SEMA3A: variants seen among roughly 807,000 people sequenced by gnomAD.
The protein encoded by SEMA3A is semaphorin 3A, also known as semaphorin-3A.
SEMA3A carries 29 observed loss-of-function variants against 97.9 expected under a neutral mutation model. The ratio of observed to expected loss-of-function variants is 0.30; its 90% CI spans 0.22 to 0.40. SEMA3A has a LOEUF of 0.40. Ranked by LOEUF, SEMA3A falls within the 10% of genes least tolerant of loss-of-function variation. The probability of loss-of-function intolerance (pLI) is 1.00; values close to 1 mark genes in which losing one functional copy is unlikely to be tolerated. For synonymous variants in SEMA3A, 321 were observed against 323.7 expected (o/e 0.99, Z 0.09); for missense variants, 763 against 951.3 (o/e 0.80, Z 2.60).
intron 6 of SEMA3A, among the ~76,000 whole-genome samples, chr7:84,021,307 A>C (rs57283860): frequency 0.26 from 38,818 of 152,182 alleles, 5,816 homozygotes; most frequent in East Asian, 0.42. Context: ...TTATTTTATA[A>C]CATTTAATTC....
intron 5 of SEMA3A, among the ~76,000 whole-genome samples, chr7:84,059,592 TTTGAA>T (rs1411770953): frequency 2.6e-5 from 4 of 151,908 alleles, no homozygotes; most frequent in African/African-American, 4.8e-5. Flanking sequence ...AAATTTTAGA[TTTGAA>T]AAGTTTCATT....
intron 2 of SEMA3A, among the ~76,000 whole-genome samples, chr7:84,362,205 A>C (rs1974511): frequency 0.38 from 56,886 of 151,582 alleles, 11,250 homozygotes; most frequent in African/African-American, 0.48. Context: ...TGTACTGAGA[A>C]CCCCATGCTA....
intron 2 of SEMA3A, among the ~76,000 whole-genome samples, chr7:84,361,683 T>G (rs1802724504): frequency 6.6e-6 from 1 of 152,030 alleles, no homozygotes; most frequent in Admixed American, 6.6e-5. Context: ...GACAAGGAAC[T>G]TAAGCCTTCT....
At chr7:84,234,348 A>C (rs1238818771) in intron 3 of SEMA3A, among the ~76,000 whole-genome samples, 1 of 152,080 alleles carries the variant, frequency 6.6e-6, no homozygotes, top group Non-Finnish European at 1.5e-5. Context: ...TGAAGAGGCT[A>C]GTGTTCTCTT....
chr7:84,255,309 A>G (rs912755679), intron 3 of SEMA3A, among the ~76,000 whole-genome samples: 15 of 152,100 alleles, frequency 9.9e-5, no homozygotes, highest in Non-Finnish European at 1.9e-4. Context: ...CTGTTCTCCT[A>G]CTTCCATTTT....
chr7:84,451,482 C>G (rs1805552017), intron 1 of SEMA3A, among the ~76,000 whole-genome samples: 1 of 152,084 alleles, frequency 6.6e-6, no homozygotes, highest in Admixed American at 6.5e-5. Flanking sequence ...AAAAGCAAAA[C>G]TAAATGGTTA....
intron 3 of SEMA3A, among the ~76,000 whole-genome samples, chr7:84,278,442 A>G (rs1800364106): frequency 6.6e-6 from 1 of 152,108 alleles, no homozygotes; most frequent in Non-Finnish European, 1.5e-5. Flanking sequence ...TCACATTTTC[A>G]GGTATCTTTA....
chr7:84,296,066 A>G (rs1180691988), intron 3 of SEMA3A, among the ~76,000 whole-genome samples: 1 of 152,166 alleles, frequency 6.6e-6, no homozygotes, highest in Non-Finnish European at 1.5e-5. Flanking sequence ...AAGAGATAAA[A>G]CAGTACACAG....
intron 1 of SEMA3A, among the ~76,000 whole-genome samples, chr7:84,193,215 C>T (rs1231698348): frequency 3.3e-5 from 5 of 151,898 alleles, no homozygotes; most frequent in Admixed American, 6.6e-5. Context: ...AAACACATTA[C>T]TAGGTGTTTA....
intron 15 of SEMA3A, among the ~76,000 whole-genome samples, chr7:83,966,443 C>T (rs910242108): frequency 2.6e-5 from 4 of 152,124 alleles, no homozygotes; most frequent in African/African-American, 9.7e-5. Flanking sequence ...GAGCTTGGTG[C>T]CCTTAGTAAG....
At chr7:84,102,248 G>A (rs1159867864) in intron 4 of SEMA3A, among the ~76,000 whole-genome samples, 1 of 152,180 alleles carries the variant, frequency 6.6e-6, no homozygotes, top group African/African-American at 2.4e-5. Context: ...TAGGATAAAA[G>A]TGTGACTATT....
chr7:84,146,016 T>C (rs1371173577), intron 1 of SEMA3A, among the ~76,000 whole-genome samples: 1 of 152,174 alleles, frequency 6.6e-6, no homozygotes, highest in African/African-American at 2.4e-5. Flanking sequence ...TCTAGTTGAT[T>C]TTCCCTTTTC....
At chr7:84,356,764 CTATT>C (rs562521235) in intron 2 of SEMA3A, among the ~76,000 whole-genome samples, 59 of 151,864 alleles carry the variant, frequency 3.9e-4, no homozygotes, top group South Asian at 2.1e-3. Flanking sequence ...GAATTGTTCT[CTATT>C]TAAGTAAATA....
At chr7:83,981,695 T>C (rs1789422770) in intron 13 of SEMA3A, among the ~76,000 whole-genome samples, 1 of 152,232 alleles carries the variant, frequency 6.6e-6, no homozygotes, top group South Asian at 2.1e-4. Flanking sequence ...GAAACAAGTG[T>C]CTTTTATTAA....
At chr7:83,997,272 A>G (rs1790259425) in intron 12 of SEMA3A, among the ~76,000 whole-genome samples, 1 of 152,094 alleles carries the variant, frequency 6.6e-6, no homozygotes, top group African/African-American at 2.4e-5. Context: ...ACTATCCCTG[A>G]CCTTTTTTAT....
chr7:84,259,999 C>T (rs886665563), intron 3 of SEMA3A, among the ~76,000 whole-genome samples: 4 of 152,202 alleles, frequency 2.6e-5, no homozygotes, highest in African/African-American at 9.6e-5. Flanking sequence ...GTGCCTACTG[C>T]CTACAGTTGT....
At chr7:84,465,765 C>T (rs534913093) in intron 1 of SEMA3A, among the ~76,000 whole-genome samples, 169 of 152,206 alleles carry the variant, frequency 1.1e-3, no homozygotes, top group Admixed American at 4.9e-3. Context: ...TAAATATCTA[C>T]CAAATCTACT....
chr7:84,150,796 C>T (rs1437007592), intron 1 of SEMA3A, among the ~76,000 whole-genome samples: 2 of 152,050 alleles, frequency 1.3e-5, no homozygotes, highest in South Asian at 2.1e-4. Flanking sequence ...AGGGCACAGA[C>T]AAACAAAAAG....
At chr7:84,050,939 T>A (rs1168782525) in intron 5 of SEMA3A, among the ~76,000 whole-genome samples, 1 of 151,652 alleles carries the variant, frequency 6.6e-6, no homozygotes, top group Non-Finnish European at 1.5e-5. Context: ...GCTAGCCAGT[T>A]TTCCCAGCAC....
Sources: allele counts gnomAD v4.1 joint callset (sites outside exome capture counted in the v4.1 genomes callset), GRCh38; gene constraint gnomAD v4.1.1; transcripts MANE v1.5; gene names NCBI Gene and HGNC (gene_info 2026-07-23, HGNC 2026-07-21).